Variants in EPB41L4A observed in about 807,000 individuals in gnomAD.
EPB41L4A encodes the protein erythrocyte membrane protein band 4.1 like 4A, also known as band 4.1-like protein 4A.
Under a neutral mutation model 108.6 loss-of-function variants are expected in EPB41L4A, and 100 were observed. The ratio of observed to expected loss-of-function variants is 0.92; its 90% CI spans 0.78 to 1.09. The LOEUF is 1.09. Among genes scored for constraint, EPB41L4A ranks in the 50% least tolerant of loss-of-function variants. The pLI is 0.00. For missense variants in EPB41L4A, 1,030 were observed against 842.7 expected, an observed-to-expected ratio of 1.22 and a Z score of -2.75; for synonymous variants, 319 against 289.0, an observed-to-expected ratio of 1.10 and a Z score of -1.05.
intron 15 of EPB41L4A, among the ~76,000 whole-genome samples, chr5:112,199,806 T>C (rs1029224205): frequency 6.6e-6 from 1 of 152,194 alleles, no homozygotes; most frequent in Admixed American, 6.5e-5. Context: ...CCTACCAATT[T>C]TACCTCTCAC....
intron 1 of EPB41L4A, among the ~76,000 whole-genome samples, chr5:112,318,199 A>G (rs1318461278): frequency 2.0e-5 from 3 of 152,084 alleles, no homozygotes; most frequent in Admixed American, 2.0e-4. Context: ...TTTTTTTCCT[A>G]CCAATTTTGA....
intron 14 of EPB41L4A, among the ~76,000 whole-genome samples, chr5:112,205,107 A>T (rs1762409707): frequency 6.6e-6 from 1 of 152,256 alleles, no homozygotes; most frequent in Non-Finnish European, 1.5e-5. Flanking sequence ...AACCAAAACT[A>T]TGAAATGGGG....
chr5:112,251,388 C>T (rs1018872067), intron 9 of EPB41L4A, among the ~76,000 whole-genome samples: 1 of 152,036 alleles, frequency 6.6e-6, no homozygotes, highest in African/African-American at 2.4e-5. Flanking sequence ...AATATTCAAG[C>T]ATAAGAGATT....
intron 18 of EPB41L4A, among the ~76,000 whole-genome samples, chr5:112,174,960 C>G (rs1241174276): frequency 6.6e-6 from 1 of 152,164 alleles, no homozygotes; most frequent in African/African-American, 2.4e-5. Flanking sequence ...CCCTCCCCCT[C>G]CAAATCAAAG....
rs1478114631 is a variant in EPB41L4A at position 112,361,736 on chromosome 5, AACTG to A, written c.100-54250_100-54247del. The stretch of plus-strand genomic sequence containing the variant: ...AATAATAATAATAATAATAATAATA[AACTG>A]ACTGGGTGTGGTGGTGTGCACCTGT... On this transcript the variant is annotated intron_variant, in intron 1 of 22. Coordinates refer to ENST00000261486, the MANE Select transcript of EPB41L4A (RefSeq NM_022140.5). Among the ~76,000 whole-genome samples the A allele has an allele frequency of 1.5e-3, 233 of 151,116 alleles. 1 individual carries two copies. The highest frequency in any genetic ancestry group is 5.3e-3 in the African/African-American group (217 of 41,154).
chr5:112,278,325 C>G (rs999721594), intron 3 of EPB41L4A, among the ~76,000 whole-genome samples: 1 of 151,220 alleles, frequency 6.6e-6, no homozygotes, highest in Non-Finnish European at 1.5e-5. Context: ...TCTCAGGTCA[C>G]TGCAACCTCC....
chr5:112,215,787 C>CAA (rs145020974), intron 12 of EPB41L4A, among the ~76,000 whole-genome samples: 23 of 128,818 alleles, frequency 1.8e-4, no homozygotes, highest in South Asian at 1.3e-3. Context: ...ACAAAAAAAA[C>CAA]AAAAAAAAAA....
intron 2 of EPB41L4A, among the ~76,000 whole-genome samples, chr5:112,300,385 C>G (rs1851888): frequency 0.17 from 25,112 of 152,018 alleles, 2,302 homozygotes; most frequent in East Asian, 0.28. Flanking sequence ...CTGAAAAAGA[C>G]TATCTTTTCT....
intron 2 of EPB41L4A, among the ~76,000 whole-genome samples, chr5:112,288,385 C>G (rs1053755054): frequency 6.6e-6 from 1 of 152,154 alleles, no homozygotes; most frequent in South Asian, 2.1e-4. Context: ...TGAAAAGAGG[C>G]CTTTGAACTC....
At chr5:112,172,372 C>T (rs920653672) in intron 18 of EPB41L4A, among the ~76,000 whole-genome samples, 2 of 151,948 alleles carry the variant, frequency 1.3e-5, no homozygotes, top group African/African-American at 2.4e-5. Flanking sequence ...ATTAGCTGGG[C>T]ATGGTGGCAT....
At chr5:112,234,211 A>G (rs1749165775) in intron 12 of EPB41L4A, among the ~76,000 whole-genome samples, 1 of 141,446 alleles carries the variant, frequency 7.1e-6, no homozygotes, top group Admixed American at 7.0e-5. Context: ...AAAATAAAAT[A>G]TAAATAAAAT....
chr5:112,222,067 T>C (rs1010655051), intron 12 of EPB41L4A, among the ~76,000 whole-genome samples: 1 of 152,186 alleles, frequency 6.6e-6, no homozygotes, highest in African/African-American at 2.4e-5. Context: ...CCTTTCCCCC[T>C]CTCTCTTGGC....
intron 2 of EPB41L4A, among the ~76,000 whole-genome samples, chr5:112,301,718 G>C (rs1277360010): frequency 6.6e-6 from 1 of 152,092 alleles, no homozygotes; most frequent in Non-Finnish European, 1.5e-5. Flanking sequence ...CCCCCTGTCT[G>C]TCAATTTCCA....
intron 12 of EPB41L4A, among the ~76,000 whole-genome samples, chr5:112,148,080 AAATAGTATTACTATAATAT>A (rs1294376173): frequency 2.7e-5 from 4 of 148,976 alleles, no homozygotes; most frequent in Non-Finnish European, 1.5e-5. Flanking sequence ...ATTGGGAGTT[AAATAGTATTACTATAATAT>A]AATAGTATTA....
chr5:112,374,354 C>G (rs1394204392), intron 1 of EPB41L4A, among the ~76,000 whole-genome samples: 2 of 152,096 alleles, frequency 1.3e-5, no homozygotes, highest in Non-Finnish European at 2.9e-5. Flanking sequence ...TCACCCAAAG[C>G]TGTAGATCAA....
At chr5:112,396,798 T>C (rs1243526800) in intron 1 of EPB41L4A, among the ~76,000 whole-genome samples, 6 of 152,144 alleles carry the variant, frequency 3.9e-5, no homozygotes, top group Non-Finnish European at 5.9e-5. Context: ...TCCAAAGCAA[T>C]GAGTCCAGCC....
chr5:112,232,255 TGTAA>T (rs1749012681), intron 12 of EPB41L4A, among the ~76,000 whole-genome samples: 1 of 152,184 alleles, frequency 6.6e-6, no homozygotes, highest in East Asian at 1.9e-4. Context: ...GATGCCCATG[TGTAA>T]GTAATACATA....
intron 18 of EPB41L4A, among the ~76,000 whole-genome samples, chr5:112,181,587 A>C (rs1167094125): frequency 6.6e-6 from 1 of 152,228 alleles, no homozygotes; most frequent in African/African-American, 2.4e-5. Context: ...CAAAAACTGG[A>C]AACAATTCAG....
intron 2 of EPB41L4A, among the ~76,000 whole-genome samples, chr5:112,288,754 A>C (rs1319187350): frequency 6.6e-6 from 1 of 152,162 alleles, no homozygotes; most frequent in Non-Finnish European, 1.5e-5. Flanking sequence ...ACATATCTTC[A>C]GATCAAAAGG....
Sources: allele counts gnomAD v4.1 joint callset (sites outside exome capture counted in the v4.1 genomes callset), GRCh38; gene constraint gnomAD v4.1.1; transcripts MANE v1.5; gene names NCBI Gene and HGNC (gene_info 2026-07-23, HGNC 2026-07-21).